LGALS9B: variants seen among roughly 807,000 people sequenced by gnomAD.
LGALS9B encodes the protein galectin-9B.
In LGALS9B, 8 loss-of-function variants were observed where a neutral mutation model predicts 35.9. The observed-to-expected ratio is 0.22, with a 90% CI of 0.13 to 0.40. The LOEUF (loss-of-function observed/expected upper bound fraction) is 0.40. Ranked by LOEUF, LGALS9B falls within the 10% of genes least tolerant of loss-of-function variation. The pLI, the probability that LGALS9B is intolerant of heterozygous loss-of-function variation, is 1.00. For synonymous variants in LGALS9B, 42 were observed against 148.6 expected (o/e 0.28, Z 5.22); for missense variants, 101 against 397.9 (o/e 0.25, Z 6.35).
chr17:20,466,749 C>T (rs1435277344), intron 1 of LGALS9B, among the ~76,000 whole-genome samples: 267 of 138,510 alleles, frequency 1.9e-3, no homozygotes, highest in African/African-American at 7.7e-3. Flanking sequence ...CAGTCCCTGC[C>T]TCCGTCACCT....
chr17:20,450,651 A>ATG, intron 10 of LGALS9B, among the ~76,000 whole-genome samples: 1 of 137,672 alleles, frequency 7.3e-6, no homozygotes, highest in Middle Eastern at 3.4e-3. Flanking sequence ...AGAGTAGCTA[A>ATG]GTCACTTGCC....
At chr17:20,461,500 C>T (rs1482794224) in intron 1 of LGALS9B, among the ~76,000 whole-genome samples, 5 of 150,492 alleles carry the variant, frequency 3.3e-5, no homozygotes, top group African/African-American at 1.2e-4. Flanking sequence ...CTATAACCTG[C>T]ATTAAAGCAC....
At chr17:20,455,707 C>T (rs564404892) in intron 4 of LGALS9B, among the ~76,000 whole-genome samples, 1 of 151,072 alleles carries the variant, frequency 6.6e-6, no homozygotes, top group African/African-American at 2.4e-5. Context: ...GCACTTCGCT[C>T]ATCTCAGGGA....
chr17:20,450,808 C>T (rs2042641223), intron 10 of LGALS9B, among the ~76,000 whole-genome samples: 1 of 150,078 alleles, frequency 6.7e-6, no homozygotes, highest in African/African-American at 2.4e-5. Context: ...GGCTGACCGC[C>T]TCATTGGCCT....
At chr17:20,456,433 C>T (rs537954101) in intron 4 of LGALS9B, 128 bp downstream of exon 4, 1 of 210,870 alleles carries the variant, frequency 4.7e-6, no homozygotes, top group Non-Finnish European at 9.0e-6. Context: ...GGAGAAGGGG[C>T]GGGCAGGTAC....
At chr17:20,464,120 C>T (rs1228163923) in intron 1 of LGALS9B, among the ~76,000 whole-genome samples, 6 of 114,914 alleles carry the variant, frequency 5.2e-5, no homozygotes, top group Non-Finnish European at 1.0e-4. Context: ...TTTTTTGAGA[C>T]AGGATCTCAT....
chr17:20,454,168 AG>A lies in LGALS9B; in HGVS notation c.541-562del, dbSNP rs550025623. Among the ~76,000 whole-genome samples, 788 of 130,468 alleles carry A rather than the reference AG, an allele frequency of 6.0e-3. 18 individuals carry two copies. The highest frequency in any genetic ancestry group is 0.018 in the African/African-American group (709 of 40,090). The allele number at this position is 130,468 out of a possible 152,430, so 85.6% of individuals were successfully genotyped here. A position where few individuals can be genotyped will look rare whatever the true frequency, so the allele number is the denominator to read the frequency against. ...CATCCCTAGGGCCAGGGCCAGCGCC[AG>A]GGCCAGGGCCAAAGTTTGGCTGCCC... On this transcript the variant is annotated intron_variant, in intron 5 of 10. Transcript: ENST00000423676.
chr17:20,461,144 G>T (rs575077557), intron 1 of LGALS9B, among the ~76,000 whole-genome samples: 3 of 149,904 alleles, frequency 2.0e-5, no homozygotes, highest in South Asian at 2.2e-4. Context: ...TCTCTTCCGC[G>T]CCTCTTTAAA....
Position 20,466,142 on chromosome 17 carries a change from C to T in LGALS9B, c.39+1290G>A, listed in dbSNP as rs550080136. On this transcript the variant is annotated intron_variant, in intron 1 of 10. Coordinates refer to ENST00000423676, the MANE Select transcript of LGALS9B (RefSeq NM_001367292.2). ...GGGGTGACATGCTCAAGGTGGCATA[C>T]GCTGACTCTAAGGCTCGCCCAACAC... Among the ~76,000 whole-genome samples the T allele has an allele frequency of 1.7e-3, 260 of 152,184 alleles. 3 individuals are homozygous for T. The highest frequency in any genetic ancestry group is 6.0e-3 in the African/African-American group (248 of 41,430).
chr17:20,464,093 G>GTTTGTTTTTTTTTT (rs2042744004), intron 1 of LGALS9B, among the ~76,000 whole-genome samples: 1 of 89,948 alleles, frequency 1.1e-5, no homozygotes, highest in Non-Finnish European at 2.1e-5. Flanking sequence ...TGTTTGTTGT[G>GTTTGTTTTTTTTTT]TTTTTTTTTT....
chr17:20,456,118 CA>C (rs1407465790), intron 4 of LGALS9B, among the ~76,000 whole-genome samples: 1 of 151,986 alleles, frequency 6.6e-6, no homozygotes, highest in East Asian at 1.9e-4. Flanking sequence ...TCTGTCTCCT[CA>C]ATGAATCACA....
At chr17:20,464,092 T>G (rs2042743834) in intron 1 of LGALS9B, among the ~76,000 whole-genome samples, 1 of 99,752 alleles carries the variant, frequency 1.0e-5, no homozygotes, top group African/African-American at 5.1e-5. Context: ...TTGTTTGTTG[T>G]GTTTTTTTTT....
At chr17:20,464,129 A>G (rs983600890) in intron 1 of LGALS9B, among the ~76,000 whole-genome samples, 1 of 124,650 alleles carries the variant, frequency 8.0e-6, no homozygotes, top group East Asian at 2.5e-4. Context: ...ACAGGATCTC[A>G]TTCTGTCACC....
Position 20,453,061 on chromosome 17 carries a change from T to A in LGALS9B, c.583A>T (p.Thr195Ser), listed in dbSNP as rs548715393. ...GCGCTCTGCACCGTGTGGATGACTG[T>A]CTGGGTCTGGAAGAAAGAAACCAGG... ...RPANPAPITQ[T>S]VIHTVQSASG... is the part of the protein sequence containing the mutation. Residue 195 changes from threonine to serine, a missense_variant, in exon 7 of 11, where the codon ACA (threonine) becomes TCA (serine). Coordinates refer to ENST00000423676, the MANE Select transcript of LGALS9B (RefSeq NM_001367292.2). The A allele has an allele frequency of 6.1e-5, 85 of 1,396,094 alleles. 21 individuals carry two copies. In the Admixed American group the frequency reaches 1.5e-3, roughly 24 times the overall value. The allele number at this position is 1,396,094 out of a possible 1,614,324, so 86.5% of individuals were successfully genotyped here. A position where few individuals can be genotyped will look rare whatever the true frequency, so the allele number is the denominator to read the frequency against.
intron 1 of LGALS9B, among the ~76,000 whole-genome samples, chr17:20,464,092 T>TG (rs1439350378): frequency 3.0e-5 from 3 of 99,752 alleles, no homozygotes; most frequent in East Asian, 3.7e-4. Context: ...TTGTTTGTTG[T>TG]GTTTTTTTTT....
At chr17:20,453,769 C>T (rs1056415627) in intron 5 of LGALS9B, among the ~76,000 whole-genome samples, 162 bp from the exon 6 acceptor site, 1 of 77,152 alleles carries the variant, frequency 1.3e-5, no homozygotes, top group African/African-American at 5.3e-5. Context: ...CCCGTGGCAC[C>T]CAGATTTTTA....
At chr17:20,451,993 C>A in intron 8 of LGALS9B, 110 bp from the exon 9 acceptor site, 4 of 1,403,626 alleles carry the variant, frequency 2.8e-6, no homozygotes, top group Non-Finnish European at 3.9e-6. Context: ...TGAGAAGAAG[C>A]CCACGATATC....
intron 1 of LGALS9B, among the ~76,000 whole-genome samples, chr17:20,464,078 T>C (rs2142426857): frequency 7.1e-6 from 1 of 139,918 alleles, no homozygotes; most frequent in East Asian, 2.3e-4. Flanking sequence ...GGGGTTTTGT[T>C]TGTTTGTTTG....
intron 3 of LGALS9B, chr17:20,457,444 G>A (rs2042695814): frequency 7.5e-6 from 1 of 133,186 alleles, no homozygotes; most frequent in African/African-American, 3.0e-5. Flanking sequence ...CCAGGCCCCA[G>A]TGTGTGTTGT....
Sources: gnomAD v4.1 joint callset for allele counts (sites outside exome capture counted in the v4.1 genomes callset) on GRCh38, gnomAD v4.1.1 for gene constraint, MANE v1.5 for transcripts, NCBI Gene and HGNC (gene_info 2026-07-23, HGNC 2026-07-21) for gene names.